Variants in GLIS1 observed in about 807,000 individuals in gnomAD.
The protein encoded by GLIS1 is zinc finger protein GLIS1.
Under a neutral mutation model 63.8 loss-of-function variants are expected in GLIS1, and 24 were observed. That is an observed-to-expected ratio of 0.38 (90% confidence interval 0.27 to 0.53). GLIS1 has a LOEUF of 0.53. Ranked by LOEUF, GLIS1 falls within the 20% of genes least tolerant of loss-of-function variation. The pLI is 0.85. For synonymous variants in GLIS1, 450 were observed against 482.5 expected, an observed-to-expected ratio of 0.93 and a Z score of 0.88; for missense variants, 1,036 against 1,074.1, an observed-to-expected ratio of 0.96 and a Z score of 0.50.
chr1:53,660,075 A>T (rs1203378142), intron 2 of GLIS1, among the ~76,000 whole-genome samples: 2 of 152,146 alleles, frequency 1.3e-5, no homozygotes, highest in Non-Finnish European at 2.9e-5. Flanking sequence ...CAGTTCTTTG[A>T]GTCTACTCTG....
chr1:53,711,933 G>A (rs968081255), intron 2 of GLIS1, among the ~76,000 whole-genome samples: 3 of 152,154 alleles, frequency 2.0e-5, no homozygotes, highest in African/African-American at 7.2e-5. Context: ...ACAGGCCTTC[G>A]CTAGCATGGG....
chr1:53,616,757 G>C (rs559185200), intron 2 of GLIS1, among the ~76,000 whole-genome samples: 66 of 152,230 alleles, frequency 4.3e-4, no homozygotes, highest in African/African-American at 1.5e-3. Context: ...CTCCAGGAAC[G>C]GGCACAATCC....
chr1:53,699,842 C>G (rs981782602), intron 2 of GLIS1, among the ~76,000 whole-genome samples: 1 of 152,160 alleles, frequency 6.6e-6, no homozygotes, highest in African/African-American at 2.4e-5. Context: ...GGTGCTACTC[C>G]CATCCTGAGG....
intron 2 of GLIS1, among the ~76,000 whole-genome samples, chr1:53,712,035 C>G (rs1780391): frequency 0.62 from 94,983 of 152,062 alleles, 31,902 homozygotes; most frequent in Non-Finnish European, 0.73. Context: ...AGGCCCAGCA[C>G]AATTTAAGTC....
At chr1:53,555,131 C>T (rs1644805797) in intron 4 of GLIS1, among the ~76,000 whole-genome samples, 4 of 152,218 alleles carry the variant, frequency 2.6e-5, no homozygotes, top group Admixed American at 2.6e-4. Flanking sequence ...CAGGCGACAT[C>T]GCCGCTCCCT....
chr1:53,674,557 CTTG>C (rs756282225), intron 2 of GLIS1, among the ~76,000 whole-genome samples: 1 of 152,112 alleles, frequency 6.6e-6, no homozygotes, highest in Non-Finnish European at 1.5e-5. Flanking sequence ...CATGTGAGCT[CTTG>C]TTGCTGTTGT....
intron 2 of GLIS1, among the ~76,000 whole-genome samples, chr1:53,681,763 C>T (rs1478493732): frequency 6.6e-6 from 1 of 150,524 alleles, no homozygotes; most frequent in Non-Finnish European, 1.5e-5. Flanking sequence ...GAGGACCTAC[C>T]CTTAGGGAGC....
At position 53,520,258 on chromosome 1, in the gene GLIS1, G is replaced by A. The variant is rs537094638; in HGVS notation, c.1726+376C>T. Among the ~76,000 whole-genome samples, 7 of 152,276 alleles carry A rather than the reference G, an allele frequency of 4.6e-5. No homozygotes were observed. In the South Asian group the frequency reaches 1.2e-3, roughly 27 times the overall value. ...TGGCTGGGTGTGGACAGTGTCCGGG[G>A]GTCGGGGGGAGCAGGAGCAGAGAGT... On this transcript the variant is annotated intron_variant, in intron 7 of 10. Coordinates refer to ENST00000628545, the MANE Select transcript of GLIS1 (RefSeq NM_001367484.1).
chr1:53,586,513 C>G (rs979845333), intron 4 of GLIS1, among the ~76,000 whole-genome samples: 2 of 152,218 alleles, frequency 1.3e-5, no homozygotes, highest in Non-Finnish European at 2.9e-5. Flanking sequence ...TTCGCAAATG[C>G]AAACTGTCCA....
At chr1:53,597,201 A>AAAAAAAAAAAC (rs1557472019) in intron 3 of GLIS1, among the ~76,000 whole-genome samples, 1 of 145,908 alleles carries the variant, frequency 6.9e-6, no homozygotes, top group South Asian at 2.2e-4. Context: ...AAAAAAAAAA[A>AAAAAAAAAAAC]AAAAAAAAAA....
chr1:53,652,292 C>T (rs1392826904), intron 2 of GLIS1, among the ~76,000 whole-genome samples: 2 of 152,096 alleles, frequency 1.3e-5, no homozygotes, highest in Admixed American at 6.5e-5. Flanking sequence ...GAGTTGGCCG[C>T]GGCTCTCAGT....
chr1:53,518,932 C>G (rs972112728), intron 7 of GLIS1, among the ~76,000 whole-genome samples: 1 of 152,204 alleles, frequency 6.6e-6, no homozygotes, highest in Non-Finnish European at 1.5e-5. Flanking sequence ...TTAGGTGATT[C>G]CTTCTCCTGC....
chr1:53,732,969 A>C (rs1646878407), intron 2 of GLIS1, among the ~76,000 whole-genome samples: 1 of 152,186 alleles, frequency 6.6e-6, no homozygotes, highest in African/African-American at 2.4e-5. Context: ...TCACTGGTCG[A>C]CTTCCCAATA....
intron 7 of GLIS1, among the ~76,000 whole-genome samples, chr1:53,517,855 G>A (rs1362181932): frequency 2.0e-5 from 3 of 152,170 alleles, no homozygotes; most frequent in Admixed American, 1.3e-4. Context: ...CACCAAGGAC[G>A]GACACAGGGT....
chr1:53,578,168 C>T (rs1645051347), intron 4 of GLIS1, among the ~76,000 whole-genome samples: 1 of 152,208 alleles, frequency 6.6e-6, no homozygotes, highest in Non-Finnish European at 1.5e-5. Flanking sequence ...GACTTGAAGT[C>T]TGCAAAGACA....
chr1:53,702,233 C>G (rs919010980), intron 2 of GLIS1, among the ~76,000 whole-genome samples: 11 of 152,138 alleles, frequency 7.2e-5, no homozygotes, highest in African/African-American at 2.7e-4. Flanking sequence ...GGTCACTGCT[C>G]CTCCCCTCAC....
chr1:53,636,822 C>A (rs1395633939), intron 2 of GLIS1, among the ~76,000 whole-genome samples: 2 of 152,240 alleles, frequency 1.3e-5, no homozygotes, highest in Non-Finnish European at 2.9e-5. Flanking sequence ...CCACTCTCCA[C>A]CTGCGCTGTT....
At chr1:53,541,054 G>T (rs553804233) in intron 4 of GLIS1, among the ~76,000 whole-genome samples, 10 of 152,308 alleles carry the variant, frequency 6.6e-5, no homozygotes, top group African/African-American at 2.4e-4. Context: ...AGAGTGTGGG[G>T]GTGGGAGCTG....
intron 2 of GLIS1, among the ~76,000 whole-genome samples, chr1:53,716,302 G>A (rs1646697943): frequency 6.6e-6 from 1 of 152,162 alleles, no homozygotes; most frequent in Non-Finnish European, 1.5e-5. Context: ...GGAGGCAGAG[G>A]GTTGAAGGTG....
Sources: allele counts gnomAD v4.1 joint callset (sites outside exome capture counted in the v4.1 genomes callset), GRCh38; gene constraint gnomAD v4.1.1; transcripts MANE v1.5; gene names NCBI Gene and HGNC (gene_info 2026-07-23, HGNC 2026-07-21).